GPHN: variants seen among roughly 807,000 people sequenced by gnomAD.
The protein encoded by GPHN is gephyrin.
A neutral mutation model predicts 95.5 loss-of-function variants in GPHN; 17 were observed. That is an observed-to-expected ratio of 0.18 (90% CI 0.12 to 0.27). The LOEUF (loss-of-function observed/expected upper bound fraction) is 0.27, where lower values mean the gene tolerates loss of function less well. Among genes scored for constraint, GPHN ranks in the 10% least tolerant of loss-of-function variants. GPHN has a pLI of 1.00. For synonymous variants in GPHN, 320 were observed against 322.5 expected, an observed-to-expected ratio of 0.99 and a Z score of 0.08; for missense variants, 660 against 978.1, an observed-to-expected ratio of 0.67 and a Z score of 4.34.
chr14:66,516,267 C>G (rs576310945), intron 1 of GPHN, among the ~76,000 whole-genome samples: 62 of 152,020 alleles, frequency 4.1e-4, no homozygotes, highest in Non-Finnish European at 1.5e-5. Context: ...ATCTACCTGC[C>G]TTAGCCTCCC....
the GPHN span, among the ~76,000 whole-genome samples, chr14:67,308,602 A>G: frequency 1.3e-5 from 2 of 149,254 alleles, no homozygotes; most frequent in Non-Finnish European, 3.0e-5. Flanking sequence ...CTGGAGTGCA[A>G]TGGTGCCATC....
the GPHN span, among the ~76,000 whole-genome samples, chr14:67,706,629 C>T: frequency 7.9e-5 from 12 of 152,294 alleles, no homozygotes; most frequent in East Asian, 5.8e-4. Flanking sequence ...CAATCAGATA[C>T]GCATTTATCT....
chr14:67,003,395 T>C (rs1274754867), intron 9 of GPHN, among the ~76,000 whole-genome samples: 1 of 151,726 alleles, frequency 6.6e-6, no homozygotes, highest in Non-Finnish European at 1.5e-5. Flanking sequence ...TATGGATTAA[T>C]GTAGGAATCT....
At chr14:67,280,677 C>T in the GPHN span, among the ~76,000 whole-genome samples, 2 of 152,162 alleles carry the variant, frequency 1.3e-5, no homozygotes, top group African/African-American at 4.8e-5. Flanking sequence ...TTTCACTCAC[C>T]AGGCCAGAGC....
intron 6 of GPHN, among the ~76,000 whole-genome samples, chr14:66,920,078 C>CA (rs59287964): frequency 1.1e-4 from 17 of 150,132 alleles, no homozygotes; most frequent in Admixed American, 2.7e-4. Flanking sequence ...AACAAACAAA[C>CA]AAAAAAAAAT....
the GPHN span, chr14:67,382,510 C>G: frequency 1.9e-6 from 3 of 1,613,718 alleles, no homozygotes; most frequent in African/African-American, 4.0e-5. Context: ...AACAGAAGGC[C>G]TTTCTGTCCT....
chr14:67,446,103 C>T, the GPHN span: 1 of 502,950 alleles, frequency 2.0e-6, no homozygotes, highest in African/African-American at 2.0e-5. Context: ...GGAGGCAGAT[C>T]CTCTGGGAGG....
the GPHN span, among the ~76,000 whole-genome samples, chr14:67,330,455 A>ATTTT: frequency 8.5e-6 from 1 of 117,806 alleles, no homozygotes; most frequent in African/African-American, 3.2e-5. Context: ...ATTTCCCTTC[A>ATTTT]TTTTTTTTTT....
chr14:66,842,669 C>T (rs1346330000), intron 4 of GPHN: 2 of 1,533,936 alleles, frequency 1.3e-6, no homozygotes, highest in Admixed American at 2.0e-5. Context: ...TTCTGTTTTT[C>T]TGCTGCAGAA....
chr14:66,681,716 CAT>C (rs1363324836), intron 2 of GPHN, among the ~76,000 whole-genome samples: 1 of 152,046 alleles, frequency 6.6e-6, no homozygotes, highest in Admixed American at 6.6e-5. Flanking sequence ...TCTTTATTGG[CAT>C]ATCTTTCTAA....
At chr14:67,392,792 G>A in the GPHN span, 13 of 1,613,734 alleles carry the variant, frequency 8.1e-6, no homozygotes, top group Middle Eastern at 1.6e-4. Context: ...CAGGGTCACC[G>A]CCTCCAGACG....
intron 8 of GPHN, among the ~76,000 whole-genome samples, chr14:66,957,126 A>C (rs1479603725): frequency 6.6e-6 from 1 of 151,554 alleles, no homozygotes; most frequent in Non-Finnish European, 1.5e-5. Flanking sequence ...ATAATAAAAA[A>C]AAAAGAAAAA....
chr14:67,592,290 A>T, the GPHN span: 2 of 410,792 alleles, frequency 4.9e-6, no homozygotes, highest in South Asian at 1.9e-5. Context: ...AAAAAAAAAA[A>T]TTAGCCAGGC....
Position 66,599,392 on chromosome 14 carries a change from A to ATTTTTTTTTTTTTTTTTTTTTTTTT in GPHN, c.65-81699_65-81698insTTTTTTTTTTTTTTTTTTTTTTTTT, listed in dbSNP as rs765267813. Among the ~76,000 whole-genome samples, 24 of 76,490 alleles carry ATTTTTTTTTTTTTTTTTTTTTTTTT rather than the reference A, an allele frequency of 3.1e-4. 1 individual carries two copies. The highest frequency in any genetic ancestry group is 1.2e-3 in the East Asian group (3 of 2,496). The allele number at this position is 76,490 out of a possible 152,430, so 50.2% of individuals were successfully genotyped here. ...TCTCTGATTTTACATTTTTTTTTGC[A>ATTTTTTTTTTTTTTTTTTTTTTTTT]TTTTTTTTTTTTTTTTGCTAGATGC... On this transcript the variant is annotated intron_variant, in intron 1 of 22. Transcript: ENST00000478722.
At chr14:67,716,880 T>C in the GPHN span, among the ~76,000 whole-genome samples, 662 of 128,366 alleles carry the variant, frequency 5.2e-3, 31 homozygotes, top group East Asian at 0.11. Flanking sequence ...TGAGTCTCTG[T>C]CAAAAAAAAA....
At chr14:67,124,987 A>G (rs1707175535) in intron 17 of GPHN, among the ~76,000 whole-genome samples, 1 of 152,130 alleles carries the variant, frequency 6.6e-6, no homozygotes, top group Admixed American at 6.5e-5. Context: ...ATTGCATTTA[A>G]CTCCAAAATA....
intron 10 of GPHN, among the ~76,000 whole-genome samples, chr14:67,028,785 G>T (rs139089825): frequency 1.3e-3 from 200 of 152,264 alleles, no homozygotes; most frequent in African/African-American, 4.5e-3. Flanking sequence ...CTGATGAACA[G>T]TTTGCAAGTA....
chr14:66,650,630 C>T (rs2064997314), intron 1 of GPHN, among the ~76,000 whole-genome samples: 1 of 152,116 alleles, frequency 6.6e-6, no homozygotes, highest in Non-Finnish European at 1.5e-5. Context: ...ATGGGTCTAC[C>T]AGTGTTGACA....
chr14:67,533,386 G>C, the GPHN span: 1 of 151,514 alleles, frequency 6.6e-6, no homozygotes, highest in Non-Finnish European at 1.5e-5. Context: ...GGACGGCCGC[G>C]AGCTCGCTGG....
Sources: gnomAD v4.1 joint callset for allele counts (sites outside exome capture counted in the v4.1 genomes callset) on GRCh38, gnomAD v4.1.1 for gene constraint, MANE v1.5 for transcripts, NCBI Gene and HGNC (gene_info 2026-07-23, HGNC 2026-07-21) for gene names.